Variants in MS4A18 observed in about 807,000 individuals in gnomAD.
MS4A18 encodes the protein membrane-spanning 4-domains subfamily A member 18.
MS4A18 carries 27 observed loss-of-function variants against 13.1 expected under a neutral mutation model. The observed-to-expected ratio is 2.06, with a 90% CI of 1.52 to 2.84. The LOEUF is 2.84. Among genes scored for constraint, MS4A18 ranks in the 30% most tolerant of loss-of-function variants. MS4A18 has a pLI of 0.00. For synonymous variants in MS4A18, 126 were observed against 76.5 expected (o/e 1.65, Z -3.38); for missense variants, 307 against 196.4 (o/e 1.56, Z -3.37).
intron 2 of MS4A18, among the ~76,000 whole-genome samples, chr11:60,734,822 C>T (rs1473266271): frequency 1.3e-5 from 2 of 149,824 alleles, no homozygotes; most frequent in Non-Finnish European, 3.0e-5. Context: ...CGCTCTGTTG[C>T]CCAGGCTGGA....
intron 2 of MS4A18, 92 bp downstream of exon 3, chr11:60,733,739 G>A (rs1039428535): frequency 1.1e-5 from 8 of 697,914 alleles, no homozygotes; most frequent in Non-Finnish European, 2.1e-5. Flanking sequence ...CCCATTCCCA[G>A]TAATATGACT....
chr11:60,744,944 G>A (rs1412636192), downstream of MS4A18, among the ~76,000 whole-genome samples: 2 of 152,204 alleles, frequency 1.3e-5, no homozygotes, highest in Admixed American at 6.5e-5. Context: ...TTATTATAAA[G>A]CAAAGTATAC....
chr11:60,744,188 T>G (rs905248438), exon 6 of MS4A18: 6 of 574,228 alleles, frequency 1.0e-5, no homozygotes, highest in Non-Finnish European at 1.5e-5. Context: ...TGTCTTTTTT[T>G]TCATTCATAA....
chr11:60,730,570 G>A (rs1161887903), intron 1 of MS4A18, among the ~76,000 whole-genome samples: 2 of 152,230 alleles, frequency 1.3e-5, no homozygotes, highest in Non-Finnish European at 2.9e-5. Flanking sequence ...CATGAGACAT[G>A]CATAAGTTAT....
chr11:60,729,577 A>T (rs1590961366), exon 1 of MS4A18: 5 of 702,800 alleles, frequency 7.1e-6, no homozygotes. Flanking sequence ...TCCAGTGGGA[A>T]CAGCCAGTTT....
intron 1 of MS4A18, among the ~76,000 whole-genome samples, chr11:60,732,745 A>AG (rs1853275602): frequency 6.9e-6 from 1 of 144,560 alleles, no homozygotes; most frequent in African/African-American, 2.5e-5. Context: ...AAAAAAAAAA[A>AG]AAAAAAAGAA....
upstream of MS4A18, among the ~76,000 whole-genome samples, chr11:60,725,684 C>T (rs1853145623): frequency 6.6e-6 from 1 of 152,106 alleles, no homozygotes. Flanking sequence ...TAACATTTAG[C>T]ACAGTATTCA....
At chr11:60,735,134 G>C (rs961149245) in intron 2 of MS4A18, among the ~76,000 whole-genome samples, 3 of 152,076 alleles carry the variant, frequency 2.0e-5, no homozygotes, top group Non-Finnish European at 4.4e-5. Context: ...GAAGGGGTTT[G>C]AATGGTATGT....
exon 2 of MS4A18, chr11:60,733,622 G>A (rs1238893760): frequency 1.4e-6 from 1 of 703,594 alleles, no homozygotes; most frequent in Non-Finnish European, 2.6e-6. Flanking sequence ...TGGTTGTCAG[G>A]GTACCCGCTC....
upstream of MS4A18, among the ~76,000 whole-genome samples, chr11:60,728,847 T>C (rs1853206289): frequency 6.6e-6 from 1 of 152,124 alleles, no homozygotes; most frequent in Non-Finnish European, 1.5e-5. Context: ...CCTCCAACTC[T>C]GCCTAGCCTC....
At chr11:60,744,285 T>C (rs1853455117), downstream of MS4A18, 1 of 356,624 alleles carries the variant, frequency 2.8e-6, no homozygotes, top group Non-Finnish European at 5.2e-6. Flanking sequence ...GTATGCTCAC[T>C]GTTGAAAAAC....
intron 2 of MS4A18, among the ~76,000 whole-genome samples, chr11:60,735,311 C>T (rs185865640): frequency 6.6e-6 from 1 of 151,566 alleles, no homozygotes; most frequent in East Asian, 1.9e-4. Context: ...GAGAGGTAAC[C>T]ACTATTTTCA....
chr11:60,732,771 T>C (rs1033200658), intron 1 of MS4A18, among the ~76,000 whole-genome samples: 7 of 148,904 alleles, frequency 4.7e-5, no homozygotes, highest in Non-Finnish European at 1.0e-4. Context: ...TACTGCATGC[T>C]AGGAACTGGG....
At chr11:60,725,489 G>T (rs1853141516), upstream of MS4A18, among the ~76,000 whole-genome samples, 1 of 152,082 alleles carries the variant, frequency 6.6e-6, no homozygotes, top group Admixed American at 6.5e-5. Flanking sequence ...CATTCTCTTT[G>T]TTCCTGACAT....
In MS4A18 at chr11:60,743,921, C is replaced by A. The variant is rs1049143049; in HGVS notation, c.1130C>A (p.Ala377Asp). ...CCCGTTAACACTACCACTGCCCCTG[C>A]CAAAGCTACCACCAGTTGTGTCAAT... The change falls in exon 6 of 6, where the codon GCC (alanine) becomes GAC (aspartate). Residue 377 changes from alanine (A) to aspartate (D), a missense_variant. Physicochemically the swap from Ala to Asp is moderately radical, Grantham distance 126 (BLOSUM62 -2). Transcript: ENST00000529108. 2.4e-5 allele frequency: 17 copies of A among 702,948 alleles called. No individual in the cohort carries two copies. In the Admixed American group the frequency reaches 3.2e-4, roughly 13 times the overall value. The allele number at this position is 702,948 out of a possible 1,614,324, so 43.5% of individuals were successfully genotyped here.
At chr11:60,744,047 A>T in exon 6 of MS4A18, 1 of 672,096 alleles carries the variant, frequency 1.5e-6, no homozygotes, top group Admixed American at 2.0e-5. Context: ...TGACAAGGGG[A>T]TACACTGTAG....
At chr11:60,739,563 C>T (rs557731182) in intron 4 of MS4A18, among the ~76,000 whole-genome samples, 6 of 152,234 alleles carry the variant, frequency 3.9e-5, no homozygotes, top group South Asian at 2.1e-4. Flanking sequence ...GTGGACCTGC[C>T]GGGGCCCTGG....
chr11:60,729,266 T>C (rs760099770), upstream of MS4A18: 1 of 671,396 alleles, frequency 1.5e-6, no homozygotes, highest in Non-Finnish European at 2.7e-6. Context: ...ATTCATTTTG[T>C]CAGAAGAGGG....
upstream of MS4A18, among the ~76,000 whole-genome samples, chr11:60,725,028 G>A (rs187800915): frequency 1.3e-5 from 2 of 152,306 alleles, no homozygotes; most frequent in Non-Finnish European, 2.9e-5. Context: ...TTGAGCTCCT[G>A]TCTCTGCATG....
Sources: allele counts gnomAD v4.1 joint callset (sites outside exome capture counted in the v4.1 genomes callset), GRCh38; gene constraint gnomAD v4.1.1; transcripts MANE v1.5; gene names NCBI Gene and HGNC (gene_info 2026-07-23, HGNC 2026-07-21).